OR51B5: variants seen among roughly 807,000 people sequenced by gnomAD.
OR51B5 encodes the protein olfactory receptor 51B5.
For missense variants in OR51B5, 456 were observed against 374.6 expected (o/e 1.22, Z -1.79); for synonymous variants, 186 against 144.8 (o/e 1.28, Z -2.04).
At chr11:5,345,832 C>A (rs1340169607), upstream of OR51B5, 1 of 104,624 alleles carries the variant, frequency 9.6e-6, no homozygotes, top group Non-Finnish European at 2.4e-5. Flanking sequence ...TGCCAGACAA[C>A]TGGGCGTGAG....
intron 1 of OR51B5, among the ~76,000 whole-genome samples, chr11:5,354,353 T>C (rs951840507): frequency 6.6e-6 from 1 of 152,218 alleles, no homozygotes; most frequent in Non-Finnish European, 1.5e-5. Flanking sequence ...TAAAGATAAC[T>C]AGGATAACAA....
chr11:5,455,543 G>C (rs1850939196), intron 1 of OR51B5: 1 of 61,262 alleles, frequency 1.6e-5, no homozygotes, highest in African/African-American at 4.5e-5. Flanking sequence ...GAGAGCGAGG[G>C]ATTGGGGGAG....
chr11:5,373,778 G>T (rs1849479674), intron 1 of OR51B5, among the ~76,000 whole-genome samples: 1 of 152,204 alleles, frequency 6.6e-6, no homozygotes, highest in South Asian at 2.1e-4. Flanking sequence ...GGCTGGGGGA[G>T]GGGCAGCCGC....
intron 1 of OR51B5, among the ~76,000 whole-genome samples, chr11:5,446,535 A>G (rs1301537478): frequency 2.0e-5 from 3 of 152,180 alleles, no homozygotes; most frequent in East Asian, 1.9e-4. Flanking sequence ...TGTCCTTTAA[A>G]CTAACCCCAA....
At chr11:5,505,496 C>T (rs1342053670) in intron 1 of OR51B5, 9 of 1,279,400 alleles carry the variant, frequency 7.0e-6, no homozygotes, top group East Asian at 5.7e-5. Flanking sequence ...TGTATTTGTC[C>T]GTTTTCACGC....
In OR51B5 at chr11:5,413,654, A is replaced by T. The variant is rs530188214; in HGVS notation, n.85-66744T>A. 5.2e-3 allele frequency among the ~76,000 whole-genome samples: 796 copies of T among 152,318 alleles called. 6 individuals are homozygous for T. Among genetic ancestry groups the T allele is most frequent in the African/African-American group, 0.018 (745 of 41,552 alleles). Reference sequence around the variant, plus strand: ...GAAGAATGCAGAAGTCTCAGGAGCCAATGCAATCAACTGGAAGAAAGGGTA... The same window carrying T: ...GAAGAATGCAGAAGTCTCAGGAGCCTATGCAATCAACTGGAAGAAAGGGTA... On this transcript the variant is annotated intron_variant and non_coding_transcript_variant, in intron 1 of 4. Coordinates refer to the OR51B5 transcript ENST00000415970.
At chr11:5,353,203 G>GGAAAGTATCTCTATGAGAAATGTGTT (rs1466199355) in intron 1 of OR51B5, among the ~76,000 whole-genome samples, 1 of 151,864 alleles carries the variant, frequency 6.6e-6, no homozygotes, top group African/African-American at 2.4e-5. Context: ...ATGAGTCTAG[G>GGAAAGTATCTCTATGAGAAATGTGTT]GAAAGTATCT....
intron 1 of OR51B5, among the ~76,000 whole-genome samples, chr11:5,400,059 T>C (rs1252285339): frequency 1.3e-5 from 2 of 152,128 alleles, no homozygotes; most frequent in Non-Finnish European, 2.9e-5. Context: ...GGAAGGAACA[T>C]AAGGGCATAA....
chr11:5,385,167 A>G (rs550198783), intron 1 of OR51B5, among the ~76,000 whole-genome samples: 73 of 152,310 alleles, frequency 4.8e-4, no homozygotes, highest in Admixed American at 1.1e-3. Context: ...TTATGTTGTA[A>G]TTAGATGTAA....
chr11:5,401,511 C>G (rs115572536), intron 1 of OR51B5, among the ~76,000 whole-genome samples: 2,139 of 152,312 alleles, frequency 0.014, 44 homozygotes, highest in African/African-American at 0.046. Context: ...GCCACTTGCT[C>G]CAGGCTCTGG....
chr11:5,420,802 A>AT (rs1025039061), intron 1 of OR51B5, among the ~76,000 whole-genome samples: 12 of 151,976 alleles, frequency 7.9e-5, no homozygotes, highest in Admixed American at 1.3e-4. Context: ...CTATTGAATA[A>AT]TTTTTTTTCT....
At chr11:5,429,848 G>C (rs1299983001) in intron 1 of OR51B5, among the ~76,000 whole-genome samples, 1 of 152,222 alleles carries the variant, frequency 6.6e-6, no homozygotes, top group African/African-American at 2.4e-5. Context: ...TACTAAAGAA[G>C]AATTTGCTGC....
At chr11:5,403,801 G>C (rs1374877449) in intron 1 of OR51B5, among the ~76,000 whole-genome samples, 1 of 152,078 alleles carries the variant, frequency 6.6e-6, no homozygotes, top group African/African-American at 2.4e-5. Context: ...TTGCATACCT[G>C]GAGCAGGAAT....
chr11:5,415,676 A>C (rs1346152006), intron 1 of OR51B5, among the ~76,000 whole-genome samples: 1 of 152,202 alleles, frequency 6.6e-6, no homozygotes, highest in Non-Finnish European at 1.5e-5. Flanking sequence ...GAAAATCTAG[A>C]AGAAATGGAT....
At chr11:5,363,376 G>T (rs2647606) in intron 1 of OR51B5, among the ~76,000 whole-genome samples, 52,990 of 136,340 alleles carry the variant, frequency 0.39, 10,892 homozygotes, top group Non-Finnish European at 0.41. Flanking sequence ...TTTACTTCAA[G>T]CTATGGTGTT....
chr11:5,425,132 T>C (rs1850429486), intron 1 of OR51B5, among the ~76,000 whole-genome samples: 1 of 151,914 alleles, frequency 6.6e-6, no homozygotes, highest in Non-Finnish European at 1.5e-5. Context: ...CTGGCGTAAA[T>C]TGCAAAATGG....
At chr11:5,351,105 C>T (rs1849078112) in intron 1 of OR51B5, among the ~76,000 whole-genome samples, 1 of 152,052 alleles carries the variant, frequency 6.6e-6, no homozygotes, top group East Asian at 1.9e-4. Context: ...CCTATAATAC[C>T]ACCAGTCAGG....
chr11:5,347,050 G>C (rs1038240988), upstream of OR51B5: 2 of 152,112 alleles, frequency 1.3e-5, no homozygotes, highest in Non-Finnish European at 2.9e-5. Context: ...CACTTAATTA[G>C]TCCCCCCAAG....
chr11:5,390,472 GATTTTTTGCCC>G (rs1849779515), intron 1 of OR51B5: 1 of 1,138,498 alleles, frequency 8.8e-7, no homozygotes, highest in South Asian at 1.8e-5. Context: ...TGCTCTTAAA[GATTTTTTGCCC>G]CTGTCCTAAA....
Sources: gnomAD v4.1 joint callset for allele counts (sites outside exome capture counted in the v4.1 genomes callset) on GRCh38, gnomAD v4.1.1 for gene constraint, MANE v1.5 for transcripts, NCBI Gene and HGNC (gene_info 2026-07-23, HGNC 2026-07-21) for gene names.